R3HDM2: variants seen among roughly 807,000 people sequenced by gnomAD.
R3HDM2 encodes the protein R3H domain-containing protein 2.
R3HDM2 carries 38 observed loss-of-function variants against 124.5 expected under a neutral mutation model. The ratio of observed to expected loss-of-function variants is 0.31; its 90% CI spans 0.24 to 0.40. The LOEUF (loss-of-function observed/expected upper bound fraction) is 0.40, where lower values mean the gene tolerates loss of function less well. Among genes scored for constraint, R3HDM2 ranks in the 10% least tolerant of loss-of-function variants. The probability of loss-of-function intolerance (pLI) is 1.00; values close to 1 mark genes in which losing one functional copy is unlikely to be tolerated. For missense variants in R3HDM2, 869 were observed against 1,236.9 expected (o/e 0.70, Z 4.46); for synonymous variants, 391 against 448.0 (o/e 0.87, Z 1.61).
intron 1 of R3HDM2, among the ~76,000 whole-genome samples, chr12:57,418,632 C>A (rs1339191715): frequency 1.3e-5 from 2 of 151,030 alleles, no homozygotes; most frequent in African/African-American, 4.9e-5. Flanking sequence ...GATCTCAGCT[C>A]ACCGCAACCT....
At chr12:57,383,808 GA>G (rs2065269730) in intron 2 of R3HDM2, among the ~76,000 whole-genome samples, 1 of 152,168 alleles carries the variant, frequency 6.6e-6, no homozygotes, top group African/African-American at 2.4e-5. Context: ...GGTCCAGAGG[GA>G]TATCAGATTT....
At chr12:57,382,439 G>A (rs1330054631) in intron 2 of R3HDM2, among the ~76,000 whole-genome samples, 1 of 149,320 alleles carries the variant, frequency 6.7e-6, no homozygotes, top group African/African-American at 2.5e-5. Context: ...TATAGACAGG[G>A]TTTCACCATG....
At chr12:57,308,196 AG>A (rs1330157208) in intron 3 of R3HDM2, among the ~76,000 whole-genome samples, 1 of 151,682 alleles carries the variant, frequency 6.6e-6, no homozygotes, top group Non-Finnish European at 1.5e-5. Flanking sequence ...CTGGGACTAC[AG>A]GCACATGCCA....
intron 14 of R3HDM2, among the ~76,000 whole-genome samples, chr12:57,279,244 G>A (rs1261175527): frequency 1.3e-5 from 2 of 148,376 alleles, no homozygotes; most frequent in Non-Finnish European, 3.0e-5. Context: ...GAGCAGTGGC[G>A]CGATCTCGGC....
rs530139943 is a variant in R3HDM2 at position 57,337,379 on chromosome 12, G to A, written c.-35-26916C>T. On this transcript the variant is annotated intron_variant, in intron 2 of 23. Transcript: ENST00000402412. Reference sequence around the variant, plus strand: ...TCTTGCCTAGGCTGGTTTCGAACTCGGGCTCAAGGGATCTGCCTATCTTGG... The same window carrying A: ...TCTTGCCTAGGCTGGTTTCGAACTCAGGCTCAAGGGATCTGCCTATCTTGG... Among the ~76,000 whole-genome samples, 163 of 151,878 alleles carry A rather than the reference G, an allele frequency of 1.1e-3. 1 individual carries two copies. Among genetic ancestry groups the A allele is most frequent in the Non-Finnish European group, 1.8e-3 (122 of 68,004 alleles).
chr12:57,343,315 G>C (rs1271778185), intron 2 of R3HDM2, among the ~76,000 whole-genome samples: 2 of 150,180 alleles, frequency 1.3e-5, no homozygotes, highest in Non-Finnish European at 3.0e-5. Context: ...TCAGCCTCCC[G>C]AGTAGCTAGG....
At chr12:57,341,381 C>T (rs889474492) in intron 2 of R3HDM2, 4 of 979,926 alleles carry the variant, frequency 4.1e-6, no homozygotes, top group African/African-American at 3.5e-5. Context: ...GAAGGAAGAA[C>T]GCACCGCTTC....
intron 2 of R3HDM2, among the ~76,000 whole-genome samples, chr12:57,377,122 GAAAA>G (rs35453025): frequency 1.5e-5 from 2 of 131,772 alleles, no homozygotes; most frequent in African/African-American, 6.1e-5. Context: ...CTTGGTCTCA[GAAAA>G]AAAAAAAAAA....
chr12:57,381,881 A>G (rs2064937037), intron 2 of R3HDM2, among the ~76,000 whole-genome samples: 1 of 152,040 alleles, frequency 6.6e-6, no homozygotes, highest in African/African-American at 2.4e-5. Flanking sequence ...GTAGTGGTAT[A>G]ATCATGACTC....
intron 1 of R3HDM2, among the ~76,000 whole-genome samples, chr12:57,427,538 T>TG (rs1868260253): frequency 6.6e-6 from 1 of 150,704 alleles, no homozygotes; most frequent in Non-Finnish European, 1.5e-5. Context: ...TTAGTAGAGA[T>TG]GGGGTTTCAC....
At chr12:57,352,585 T>A (rs1476662885) in intron 2 of R3HDM2, among the ~76,000 whole-genome samples, 2 of 150,756 alleles carry the variant, frequency 1.3e-5, no homozygotes, top group Non-Finnish European at 3.0e-5. Context: ...CTCTGCCTCC[T>A]GCACTCAGGC....
chr12:57,373,753 G>A (rs576273855), intron 2 of R3HDM2, among the ~76,000 whole-genome samples: 7 of 150,468 alleles, frequency 4.7e-5, no homozygotes, highest in Non-Finnish European at 8.9e-5. Context: ...GCAGAGGTTG[G>A]GGTGAGCTGA....
At chr12:57,275,783 C>G (rs2044550997) in intron 14 of R3HDM2, among the ~76,000 whole-genome samples, 1 of 152,174 alleles carries the variant, frequency 6.6e-6, no homozygotes, top group South Asian at 2.1e-4. Flanking sequence ...CCACCTTACT[C>G]CTGCAAGAAT....
intron 1 of R3HDM2, among the ~76,000 whole-genome samples, chr12:57,405,651 A>G (rs542411075): frequency 6.6e-6 from 1 of 152,274 alleles, no homozygotes; most frequent in Admixed American, 6.5e-5. Context: ...AGACAGACCA[A>G]CCTACAGTCC....
chr12:57,311,165 C>T (rs914765410), intron 2 of R3HDM2, among the ~76,000 whole-genome samples: 2 of 152,050 alleles, frequency 1.3e-5, no homozygotes, highest in Non-Finnish European at 2.9e-5. Context: ...AAGCTACTCT[C>T]CCTTCAAAAA....
At chr12:57,309,271 A>G (rs751274019) in intron 3 of R3HDM2, among the ~76,000 whole-genome samples, 14 of 152,212 alleles carry the variant, frequency 9.2e-5, no homozygotes, top group Non-Finnish European at 2.1e-4. Context: ...CTCTTGACTT[A>G]TAATAAAACC....
At chr12:57,400,421 C>T (rs1425347670) in intron 1 of R3HDM2, among the ~76,000 whole-genome samples, 1 of 131,588 alleles carries the variant, frequency 7.6e-6, no homozygotes, top group Non-Finnish European at 1.6e-5. Flanking sequence ...CATCACACAC[C>T]GGGGCCTGTT....
In R3HDM2 at chr12:57,269,774, C is replaced by T. The variant is rs2043192127; in HGVS notation, c.1565G>A (p.Gly522Glu). ...PPTQQVLPPQ[G>E]YMQPPQQIQV... ...CACCTGTTGAGGGGGCTGCATGTAC[C>T]CCTGGGGTGGCAGAACTTGCTGAGT... Residue 522 changes from glycine (G) to glutamate (E), a missense_variant, in exon 15 of 24, where the codon GGG (glycine) becomes GAG (glutamate). By Grantham distance (98) the Gly-to-Glu change is moderately conservative (BLOSUM62 -2). Coordinates refer to ENST00000402412, the MANE Select transcript of R3HDM2 (RefSeq NM_001394031.1). 2 of 1,614,042 alleles carry T rather than the reference C, an allele frequency of 1.2e-6. No individual in the cohort carries two copies. Among genetic ancestry groups the T allele is most frequent in the East Asian group, 2.2e-5 (1 of 44,884 alleles).
At chr12:57,417,280 G>A (rs2069722713) in intron 1 of R3HDM2, among the ~76,000 whole-genome samples, 1 of 151,186 alleles carries the variant, frequency 6.6e-6, no homozygotes, top group Non-Finnish European at 1.5e-5. Context: ...AGCTACTTGG[G>A]AGGCTGAGGC....
Sources: allele counts gnomAD v4.1 joint callset (sites outside exome capture counted in the v4.1 genomes callset), GRCh38; gene constraint gnomAD v4.1.1; transcripts MANE v1.5; gene names NCBI Gene and HGNC (gene_info 2026-07-23, HGNC 2026-07-21).